The following LHX4 variants were observed in gnomAD, a reference collection of about 807,000 sequenced individuals.
The protein encoded by LHX4 is LIM homeobox 4, also known as LIM/homeobox protein Lhx4.
Under a neutral mutation model 39.2 loss-of-function variants are expected in LHX4, and 16 were observed. The ratio of observed to expected loss-of-function variants is 0.41; its 90% CI spans 0.28 to 0.62. LHX4 has a LOEUF of 0.62. Among genes scored for constraint, LHX4 ranks in the 20% least tolerant of loss-of-function variants. The probability of loss-of-function intolerance (pLI) is 0.33; values close to 1 mark genes in which losing one functional copy is unlikely to be tolerated. For missense variants in LHX4, 439 were observed against 511.9 expected, an observed-to-expected ratio of 0.86 and a Z score of 1.37; for synonymous variants, 206 against 198.1, an observed-to-expected ratio of 1.04 and a Z score of -0.33.
chr1:180,256,021 G>A (rs78142091), intron 2 of LHX4, among the ~76,000 whole-genome samples: 6,208 of 152,300 alleles, frequency 0.041, 160 homozygotes, highest in African/African-American at 0.056. Flanking sequence ...CCTTCCCTCC[G>A]TTGCTGAAGA....
intron 1 of LHX4, among the ~76,000 whole-genome samples, chr1:180,243,434 C>G (rs944671719): frequency 2.6e-5 from 4 of 152,184 alleles, no homozygotes; most frequent in African/African-American, 9.6e-5. Flanking sequence ...TAGATAAACT[C>G]TGTCCTGTTT....
At chr1:180,229,032 T>A (rs1340136755), upstream of LHX4, among the ~76,000 whole-genome samples, 2 of 152,218 alleles carry the variant, frequency 1.3e-5, no homozygotes, top group Non-Finnish European at 2.9e-5. Context: ...GAGCGCCTGA[T>A]GGAGCGTCAG....
intron 2 of LHX4, among the ~76,000 whole-genome samples, chr1:180,265,769 T>C (rs563203058): frequency 1.3e-5 from 2 of 152,274 alleles, no homozygotes; most frequent in East Asian, 3.9e-4. Context: ...AGGAAGGGGA[T>C]GGAGGTAGGC....
intron 1 of LHX4, among the ~76,000 whole-genome samples, chr1:180,241,882 A>G (rs1664451141): frequency 1.3e-5 from 2 of 152,058 alleles, no homozygotes; most frequent in South Asian, 2.1e-4. Context: ...CAGTAGTGCA[A>G]TCATGGCTCA....
rs1649101579 is a variant in LHX4 at position 180,277,444 on chromosome 1, T to A, written c.*2865T>A. The A allele has an allele frequency of 6.6e-6, 1 of 152,188 alleles. No individual in the cohort carries two copies. The highest frequency in any genetic ancestry group is 2.4e-5 in the African/African-American group (1 of 41,442). The allele number at this position is 152,188 out of a possible 1,614,324, so 9.4% of individuals were successfully genotyped here. A position where few individuals can be genotyped will look rare whatever the true frequency, so the allele number is the denominator to read the frequency against. ...AGAGGCAACCATTATCTGCAGTGCC[T>A]GGCTGGTCGACTTTAGAGTAGGAAG... is the stretch of plus-strand genomic sequence containing the variant. On this transcript the variant is annotated 3_prime_UTR_variant, in exon 6 of 6. Transcript: ENST00000263726.
At position 180,257,831 on chromosome 1, in the gene LHX4, C is replaced by T. The variant is rs357060; in HGVS notation, c.249-8561C>T. On this transcript the variant is annotated intron_variant, in intron 2 of 5. Transcript: ENST00000263726. ...ACATGGGTCCTGGGCTGGTCCCCAC[C>T]GACTGCCTTCAATAGCCAAGAGTAA... 7.4e-3 allele frequency among the ~76,000 whole-genome samples: 1,129 copies of T among 152,300 alleles called. 10 individuals are homozygous for T. The highest frequency in any genetic ancestry group is 0.025 in the African/African-American group (1,048 of 41,552).
At chr1:180,268,482 G>C (rs1039651415) in intron 3 of LHX4, among the ~76,000 whole-genome samples, 1 of 152,208 alleles carries the variant, frequency 6.6e-6, no homozygotes, top group Non-Finnish European at 1.5e-5. Context: ...GAAGATGCCG[G>C]ACTTGCTGTC....
rs370041840 is a variant in LHX4, at chr1:180,271,529, G to A, written c.601G>A (p.Val201Ile). The change falls in exon 4 of 6, where the codon GTA becomes ATA. Residue 201 changes from valine (V) to isoleucine (I), a missense_variant. Val to Ile is a conservative substitution (Grantham distance 29). Transcript: ENST00000263726. Reference sequence around the variant, plus strand: ...AGAGACAGGCCTGGACATGAGGGTCGTACAGGTGAGATGCCAGCACTCCTG... The same window carrying A: ...AGAGACAGGCCTGGACATGAGGGTCATACAGGTGAGATGCCAGCACTCCTG... ...SSETGLDMRV[V>I]QVWFQNRRAK... The A allele has an allele frequency of 2.6e-5, 42 of 1,613,958 alleles. No individual in the cohort carries two copies. The highest frequency in any genetic ancestry group is 1.6e-4 in the Middle Eastern group (1 of 6,084).
rs1368813917 is a variant in LHX4, at chr1:180,261,197, G to A, written c.249-5195G>A. 6.0e-5 allele frequency among the ~76,000 whole-genome samples: 9 copies of A among 149,998 alleles called. No individual in the cohort carries two copies. The South Asian group carries it at 1.5e-3, about 25-fold the overall frequency. On this transcript the variant is annotated intron_variant, in intron 2 of 5. Transcript: ENST00000263726. Reference sequence around the variant, plus strand: ...GGCGAGCAGGTGTGTCGGGAGGCTCGGGAGGCCGGGGAGAGGGGAGCTGAC... The same window carrying A: ...GGCGAGCAGGTGTGTCGGGAGGCTCAGGAGGCCGGGGAGAGGGGAGCTGAC...
At position 180,234,175 on chromosome 1, in the gene LHX4, ATAT is replaced by A. The variant is rs1664251438; in HGVS notation, c.76+3571_76+3573del. Among the ~76,000 whole-genome samples, 1 of 17,208 alleles carries A rather than the reference ATAT, an allele frequency of 5.8e-5. No individual in the cohort carries two copies. The highest frequency in any genetic ancestry group is 1.7e-3 in the East Asian group (1 of 604). 11.3% of individuals were successfully genotyped at this position (17,208 alleles called of 152,430 possible). On this transcript the variant is annotated intron_variant, in intron 1 of 5. Transcript: ENST00000263726. This position sits in a 1 kb window ranked among gnomAD's most constrained non-coding sequence, Gnocchi z 4.8. ...CACACACAACACACACAAATTATAT[ATAT>A]ATATATATATATATATATATATATA...
intron 1 of LHX4, among the ~76,000 whole-genome samples, chr1:180,238,057 C>A (rs1664365872): frequency 6.6e-6 from 1 of 152,138 alleles, no homozygotes; most frequent in Non-Finnish European, 1.5e-5. Flanking sequence ...CAATATATCA[C>A]CTAGGAGATA....
At chr1:180,231,599 G>T (rs1014188896) in intron 1 of LHX4, among the ~76,000 whole-genome samples, 7 of 145,270 alleles carry the variant, frequency 4.8e-5, no homozygotes, top group Non-Finnish European at 9.1e-5. Context: ...GGAGAGTCCT[G>T]CCCCTGTGGC....
chr1:180,273,393 C>T (rs1341987607), intron 5 of LHX4: 3 of 152,348 alleles, frequency 2.0e-5, no homozygotes, highest in African/African-American at 7.2e-5. Context: ...CTGTTGAAGT[C>T]AACACCTAGA....
In LHX4 at chr1:180,275,646, C is replaced by T. The variant is rs1391470584; in HGVS notation, c.*1067C>T. 6.6e-6 allele frequency: 1 copy of T among 152,196 alleles called. No individual in the cohort carries two copies. Among genetic ancestry groups the T allele is most frequent in the Admixed American group, 6.5e-5 (1 of 15,276 alleles). The allele number at this position is 152,196 out of a possible 1,614,324, so 9.4% of individuals were successfully genotyped here. A position where few individuals can be genotyped will look rare whatever the true frequency, so the allele number is the denominator to read the frequency against. ...TGTCCTAGCTGACTCAATTGGAGGA[C>T]AGTTTTGGTCATTTCCAGGAACCAG... is the stretch of plus-strand genomic sequence containing the variant. On this transcript the variant is annotated 3_prime_UTR_variant, in exon 6 of 6. Transcript: ENST00000263726.
intron 2 of LHX4, among the ~76,000 whole-genome samples, chr1:180,251,303 C>G (rs1338571852): frequency 6.6e-6 from 1 of 152,236 alleles, no homozygotes; most frequent in African/African-American, 2.4e-5. Context: ...GGGCTGCCGC[C>G]TCCACACGCC....
rs913343676 is a variant in LHX4, at chr1:180,232,391, A to G, written c.76+1786A>G. Among the ~76,000 whole-genome samples the G allele has an allele frequency of 6.6e-5, 10 of 152,142 alleles. No individual in the cohort carries two copies. The highest frequency in any genetic ancestry group is 2.4e-4 in the African/African-American group (10 of 41,424). On this transcript the variant is annotated intron_variant, in intron 1 of 5. Transcript: ENST00000263726. This position sits in a 1 kb window ranked among gnomAD's most constrained non-coding sequence, Gnocchi z 5.4. Reference sequence around the variant, plus strand: ...CACTTTTTGCCTTCCCTGTTCAGAGACAACTTTGATGTTCGACGTCAGGGA... The same window carrying G: ...CACTTTTTGCCTTCCCTGTTCAGAGGCAACTTTGATGTTCGACGTCAGGGA...
upstream of LHX4, among the ~76,000 whole-genome samples, chr1:180,228,980 G>A (rs1169116309): frequency 1.3e-5 from 2 of 152,202 alleles, no homozygotes; most frequent in Non-Finnish European, 2.9e-5. Context: ...GGGTCTTGGG[G>A]CAGACGGGGT....
rs934215902 is a variant in LHX4 at position 180,277,817 on chromosome 1, G to C, written c.*3238G>C. On this transcript the variant is annotated 3_prime_UTR_variant, in exon 6 of 6. Coordinates refer to ENST00000263726, the MANE Select transcript of LHX4 (RefSeq NM_033343.4). Reference sequence around the variant, plus strand: ...TGCAAATGAATACTGTGAAACATCAGGGAAAGAGGAAAAAATTAAGCCACA... The same window carrying C: ...TGCAAATGAATACTGTGAAACATCACGGAAAGAGGAAAAAATTAAGCCACA... 2.6e-5 allele frequency: 4 copies of C among 151,522 alleles called. No homozygotes were observed. The highest frequency in any genetic ancestry group is 9.7e-5 in the African/African-American group (4 of 41,264). The allele number at this position is 151,522 out of a possible 1,614,324, so 9.4% of individuals were successfully genotyped here.
At position 180,271,932 on chromosome 1, in the gene LHX4, G is replaced by A. The variant is rs765008063; in HGVS notation, c.704G>A (p.Arg235Gln). ...TTCTATAAGAGCGTCAAGAGGAGCC[G>A]GGGCAGCAGCAAGCAGGAGAAGGAG... is the stretch of plus-strand genomic sequence containing the variant. ...GQFYKSVKRS[R>Q]GSSKQEKESS... Residue 235 changes from arginine to glutamine, a missense_variant, in exon 5 of 6, where the codon CGG becomes CAG. By Grantham distance (43) the Arg-to-Gln change is conservative (BLOSUM62 1). Coordinates refer to ENST00000263726, the MANE Select transcript of LHX4 (RefSeq NM_033343.4). 131 of 1,613,200 alleles carry A rather than the reference G, an allele frequency of 8.1e-5. No individual in the cohort carries two copies. Among genetic ancestry groups the A allele is most frequent in the Middle Eastern group, 1.6e-4 (1 of 6,070 alleles).
Sources: gnomAD v4.1 joint callset for allele counts (sites outside exome capture counted in the v4.1 genomes callset) on GRCh38, gnomAD v4.1.1 for gene constraint, Gnocchi (gnomAD v3.1) non-coding constraint, MANE v1.5 for transcripts, NCBI Gene and HGNC (gene_info 2026-07-23, HGNC 2026-07-21) for gene names.